The following CPT1A variants were observed in gnomAD, a reference collection of about 807,000 sequenced individuals.
The protein encoded by CPT1A is carnitine palmitoyltransferase 1A.
CPT1A carries 64 observed loss-of-function variants against 100.8 expected under a neutral mutation model. That is an observed-to-expected ratio of 0.63 (90% confidence interval 0.52 to 0.78). The LOEUF is 0.78. CPT1A is among the 30% of genes least tolerant of loss of function. CPT1A has a pLI of 0.00. For synonymous variants in CPT1A, 363 were observed against 396.0 expected (o/e 0.92, Z 0.99); for missense variants, 802 against 1,034.1 (o/e 0.78, Z 3.08).
At chr11:68,758,808 G>C (rs556146523) in intron 18 of CPT1A, among the ~76,000 whole-genome samples, 19 of 151,576 alleles carry the variant, frequency 1.3e-4, no homozygotes, top group Non-Finnish European at 2.8e-4. Flanking sequence ...AGTAGAGGCG[G>C]GGTTTCACCA....
At position 68,780,575 on chromosome 11, in the gene CPT1A, C is replaced by A. The variant is rs1323883335; in HGVS notation, c.1458+65G>T. On this transcript the variant is annotated intron_variant, in intron 12 of 18. Coordinates refer to ENST00000265641, the MANE Select transcript of CPT1A (RefSeq NM_001876.4). ...CTGGGATTACAGGTGTGCGCCACTG[C>A]GCCTGGCCAGGTTTGGATTTTCAAA... 1.1e-5 allele frequency: 16 copies of A among 1,430,052 alleles called. No individual in the cohort carries two copies. In the South Asian group the frequency reaches 1.4e-4, roughly 12 times the overall value. 88.6% of individuals were successfully genotyped at this position (1,430,052 alleles called of 1,614,324 possible). A position where few individuals can be genotyped will look rare whatever the true frequency, so the allele number is the denominator to read the frequency against.
intron 1 of CPT1A, among the ~76,000 whole-genome samples, chr11:68,816,961 G>GGT (rs1449584905): frequency 8.6e-6 from 1 of 115,948 alleles, no homozygotes; most frequent in African/African-American, 3.3e-5. Context: ...TGGTGTGTAT[G>GGT]GTGTGTGTGT....
intron 2 of CPT1A, among the ~76,000 whole-genome samples, chr11:68,812,872 G>A (rs1382308012): frequency 6.6e-5 from 10 of 152,002 alleles, no homozygotes; most frequent in Admixed American, 6.6e-4. Flanking sequence ...TAGTTTAGCT[G>A]GTGAAGGACG....
chr11:68,832,940 C>T (rs1168124207), intron 1 of CPT1A, among the ~76,000 whole-genome samples: 2 of 152,302 alleles, frequency 1.3e-5, no homozygotes, highest in East Asian at 1.9e-4. Context: ...CTGGAGAAGG[C>T]GCTGTAGGCA....
chr11:68,827,501 A>G (rs1856761391), intron 1 of CPT1A, among the ~76,000 whole-genome samples: 1 of 152,064 alleles, frequency 6.6e-6, no homozygotes, highest in Non-Finnish European at 1.5e-5. Flanking sequence ...TGCTGTATTG[A>G]TTTAGAATGT....
intron 4 of CPT1A, 44 bp downstream of exon 4, chr11:68,807,423 C>G (rs1374430287): frequency 1.3e-6 from 2 of 1,595,094 alleles, no homozygotes; most frequent in Non-Finnish European, 1.7e-6. Context: ...TTCCCAAAGC[C>G]CAAACTGTCC....
At chr11:68,829,295 C>T (rs551026465) in intron 1 of CPT1A, among the ~76,000 whole-genome samples, 212 of 152,326 alleles carry the variant, frequency 1.4e-3, no homozygotes, top group African/African-American at 4.6e-3. Flanking sequence ...ACCTGCCCAA[C>T]GGCTCTTTAA....
At chr11:68,825,895 C>A (rs1856714149) in intron 1 of CPT1A, among the ~76,000 whole-genome samples, 1 of 152,208 alleles carries the variant, frequency 6.6e-6, no homozygotes, top group Non-Finnish European at 1.5e-5. Context: ...CTGCAGAAGA[C>A]ACGGGCACCA....
chr11:68,793,339 A>G lies in CPT1A; in HGVS notation c.943T>C (p.Ser315Pro), dbSNP rs768318916. ...SAQWERMFNT[S>P]RIPGEETDTI... ...CCTGTCTCCTCTCCTGGGATCCGGG[A>G]AGTATTAAACATCCGCTCCCACTGA... The change falls in exon 9 of 19, where the codon TCC becomes CCC. Residue 315 changes from serine (S) to proline (P), a missense_variant. Physicochemically the swap from Ser to Pro is moderately conservative, Grantham distance 74. Around this residue, in one of 4 missense-constraint regions of CPT1A, gnomAD observed 627 missense variants for 799.3 expected, o/e 0.78. Transcript: ENST00000265641. The G allele has an allele frequency of 6.2e-7, 1 of 1,611,838 alleles. No individual in the cohort carries two copies.
chr11:68,763,840 G>A (rs1208736601), intron 14 of CPT1A, among the ~76,000 whole-genome samples: 3 of 152,194 alleles, frequency 2.0e-5, no homozygotes, highest in African/African-American at 7.2e-5. Context: ...TGGTGCCTTG[G>A]GAACAGAATC....
chr11:68,771,086 G>T (rs553811961), intron 14 of CPT1A, among the ~76,000 whole-genome samples: 1 of 152,304 alleles, frequency 6.6e-6, no homozygotes, highest in South Asian at 2.1e-4. Flanking sequence ...GTGGGTTCTG[G>T]GGAGCAGATG....
At chr11:68,833,669 G>C (rs1856937660) in intron 1 of CPT1A, among the ~76,000 whole-genome samples, 1 of 152,128 alleles carries the variant, frequency 6.6e-6, no homozygotes, top group African/African-American at 2.4e-5. Context: ...GGTTGGTGGA[G>C]GTTGCAGTGA....
intron 1 of CPT1A, among the ~76,000 whole-genome samples, chr11:68,836,604 T>A (rs996708654): frequency 3.3e-5 from 5 of 151,980 alleles, no homozygotes; most frequent in Admixed American, 3.3e-4. Context: ...GAAACTCATC[T>A]CTACTAAAAA....
intron 8 of CPT1A, 106 bp downstream of exon 8, chr11:68,794,698 C>G (rs1457701766): frequency 2.0e-6 from 2 of 1,005,988 alleles, no homozygotes; most frequent in East Asian, 5.0e-5. Context: ...GGCGTGAGAC[C>G]CTGTGCCCGG....
intron 14 of CPT1A, among the ~76,000 whole-genome samples, chr11:68,770,137 C>A (rs1854946947): frequency 6.6e-6 from 1 of 151,724 alleles, no homozygotes; most frequent in African/African-American, 2.4e-5. Context: ...AAAATCATGG[C>A]TTTTTCTCCC....
At chr11:68,807,234 C>A (rs947931092) in intron 4 of CPT1A, among the ~76,000 whole-genome samples, 5 of 152,070 alleles carry the variant, frequency 3.3e-5, no homozygotes, top group African/African-American at 1.2e-4. Flanking sequence ...ACCGAGCAGA[C>A]CTCAATATAA....
At chr11:68,806,531 G>T (rs1594355794) in intron 4 of CPT1A, among the ~76,000 whole-genome samples, 1 of 151,908 alleles carries the variant, frequency 6.6e-6, no homozygotes, top group African/African-American at 2.4e-5. Context: ...AGGATGCTCA[G>T]GTGGGAAAAT....
At chr11:68,834,627 G>A (rs1399883379) in intron 1 of CPT1A, among the ~76,000 whole-genome samples, 3 of 152,112 alleles carry the variant, frequency 2.0e-5, no homozygotes, top group African/African-American at 7.2e-5. Flanking sequence ...GGTAGTGCAT[G>A]CCTGTGGTCC....
rs1347815990 is a variant in CPT1A, at chr11:68,771,860, T to C, written c.1740+1405A>G. ...CTCTCTGCACCTGTTTCCTCACCTG[T>C]AAAATGGGAAAACAAGATTTTCTGA... is the stretch of plus-strand genomic sequence containing the variant. On this transcript the variant is annotated intron_variant, in intron 14 of 18. Coordinates refer to ENST00000265641, the MANE Select transcript of CPT1A (RefSeq NM_001876.4). Among the ~76,000 whole-genome samples the C allele has an allele frequency of 2.0e-5, 3 of 152,214 alleles. No individual in the cohort carries two copies. In the East Asian group the frequency reaches 5.8e-4, roughly 29 times the overall value.
Sources: gnomAD v4.1 joint callset for allele counts (sites outside exome capture counted in the v4.1 genomes callset) on GRCh38, gnomAD v4.1.1 for gene constraint, gnomAD v4.1.1 regional missense constraint, MANE v1.5 for transcripts, NCBI Gene and HGNC (gene_info 2026-07-23, HGNC 2026-07-21) for gene names.